Variants in RPS6KA2 observed in about 807,000 individuals in gnomAD.
RPS6KA2 encodes the protein ribosomal protein S6 kinase A2.
A neutral mutation model predicts 91.8 loss-of-function variants in RPS6KA2; 42 were observed. The ratio of observed to expected loss-of-function variants is 0.46; its 90% CI spans 0.36 to 0.59. The LOEUF is 0.59. Ranked by LOEUF, RPS6KA2 falls within the 20% of genes least tolerant of loss-of-function variation. RPS6KA2 has a pLI of 0.00. For synonymous variants in RPS6KA2, 414 were observed against 393.6 expected, an observed-to-expected ratio of 1.05 and a Z score of -0.61; for missense variants, 798 against 978.5, an observed-to-expected ratio of 0.82 and a Z score of 2.46.
intron 2 of RPS6KA2, among the ~76,000 whole-genome samples, chr6:166,716,575 C>T (rs548104773): frequency 6.6e-6 from 1 of 152,288 alleles, no homozygotes; most frequent in Admixed American, 6.5e-5. Flanking sequence ...GGTCTGCTGG[C>T]GACCAAAACG....
chr6:166,421,529 G>A (rs191771300), intron 17 of RPS6KA2, among the ~76,000 whole-genome samples: 3 of 152,230 alleles, frequency 2.0e-5, no homozygotes, highest in Non-Finnish European at 4.4e-5. Context: ...TCCCACCTGG[G>A]ACCAGCCTCC....
intron 1 of RPS6KA2, among the ~76,000 whole-genome samples, chr6:166,543,032 A>G (rs1783710163): frequency 6.6e-6 from 1 of 152,192 alleles, no homozygotes; most frequent in African/African-American, 2.4e-5. Flanking sequence ...GAAAATGTGG[A>G]AAAGAACGTA....
At chr6:166,471,190 C>T (rs1390589556) in intron 10 of RPS6KA2, among the ~76,000 whole-genome samples, 2 of 152,246 alleles carry the variant, frequency 1.3e-5, no homozygotes, top group Non-Finnish European at 1.5e-5. Context: ...AAGAGCGGGG[C>T]TGCCCGGGGA....
rs910307999 is a variant in RPS6KA2, at chr6:166,533,255, G to A, written c.217-1942C>T. Among the ~76,000 whole-genome samples the A allele has an allele frequency of 1.3e-5, 2 of 152,324 alleles. No homozygotes were observed. The highest frequency in any genetic ancestry group is 1.5e-5 in the Non-Finnish European group (1 of 68,030). Reference sequence around the variant, plus strand: ...CTCCTTTCATTTCTCCAGCCCGTCCGTGTGCCTAATGTCCCTAGGTTGACT... The same window carrying A: ...CTCCTTTCATTTCTCCAGCCCGTCCATGTGCCTAATGTCCCTAGGTTGACT... On this transcript the variant is annotated intron_variant, in intron 2 of 20. Coordinates refer to ENST00000265678, the MANE Select transcript of RPS6KA2 (RefSeq NM_021135.6). This position sits in a 1 kb window ranked among gnomAD's most constrained non-coding sequence, Gnocchi z 4.0.
intron 2 of RPS6KA2, among the ~76,000 whole-genome samples, chr6:166,684,116 G>A (rs754256508): frequency 6.6e-6 from 1 of 152,212 alleles, no homozygotes; most frequent in Non-Finnish European, 1.5e-5. Flanking sequence ...CCTCCCCAGT[G>A]AGGTAGGAGA....
At position 166,490,797 on chromosome 6, in the gene RPS6KA2, C is replaced by A; in HGVS notation, c.748-56G>T. 7.4e-7 allele frequency: 1 copy of A among 1,345,786 alleles called. No homozygotes were observed. The allele number at this position is 1,345,786 out of a possible 1,614,324, so 83.4% of individuals were successfully genotyped here. A position where few individuals can be genotyped will look rare whatever the true frequency, so the allele number is the denominator to read the frequency against. On this transcript the variant is annotated intron_variant, in intron 8 of 20. Transcript: ENST00000265678. This position sits in a 1 kb window ranked among gnomAD's most constrained non-coding sequence, Gnocchi z 4.2. ...ATTCATCCAGATGGACCCGGCTTCACGGCAGAGTACCCCAGCAGGGCAGCC... is the reference window on the plus strand; with the variant it reads ...ATTCATCCAGATGGACCCGGCTTCAAGGCAGAGTACCCCAGCAGGGCAGCC...
intron 5 of RPS6KA2, among the ~76,000 whole-genome samples, chr6:166,505,292 G>T (rs78298189): frequency 0.011 from 1,691 of 152,232 alleles, 38 homozygotes; most frequent in African/African-American, 0.039. Context: ...GACCAGGCAG[G>T]GATGGCCTAA....
intron 15 of RPS6KA2, among the ~76,000 whole-genome samples, chr6:166,431,759 G>C (rs1779139230): frequency 6.6e-6 from 1 of 152,022 alleles, no homozygotes; most frequent in African/African-American, 2.4e-5. Flanking sequence ...TGGGATTACA[G>C]GTGTGCGCCA....
Position 166,459,579 on chromosome 6 carries a change from G to A in RPS6KA2, c.973-28C>T, listed in dbSNP as rs1291147423. ...ATTAATACAAGGAAAGCAAGACAGG[G>A]CACTGAGGATGCACAGACATTGCCA... is the stretch of plus-strand genomic sequence containing the variant. On this transcript the variant is annotated intron_variant, in intron 11 of 20. Coordinates refer to ENST00000265678, the MANE Select transcript of RPS6KA2 (RefSeq NM_021135.6). The surrounding 1 kb of genome is among the most constrained non-coding windows in gnomAD (Gnocchi z 4.9). 1.3e-6 allele frequency: 2 copies of A among 1,537,416 alleles called. No homozygotes were observed. The highest frequency in any genetic ancestry group is 1.7e-5 in the Admixed American group (1 of 59,160).
intron 1 of RPS6KA2, among the ~76,000 whole-genome samples, chr6:166,624,622 G>A (rs1232857356): frequency 6.6e-6 from 1 of 152,176 alleles, no homozygotes; most frequent in Non-Finnish European, 1.5e-5. Flanking sequence ...TTTGGACACA[G>A]TATCCAGAAA....
intron 2 of RPS6KA2, among the ~76,000 whole-genome samples, chr6:166,800,308 T>C (rs1779333812): frequency 1.3e-5 from 2 of 152,120 alleles, no homozygotes; most frequent in East Asian, 1.9e-4. Context: ...GGGGAGGACA[T>C]GGGGGAGCAG....
chr6:166,451,297 A>AGTGTGTGTGTGCATGTG, intron 12 of RPS6KA2, 64 bp from the exon 13 acceptor site: 2 of 1,573,616 alleles, frequency 1.3e-6, no homozygotes, highest in Non-Finnish European at 1.7e-6. Flanking sequence ...GTGAAGTGAT[A>AGTGTGTGTGTGCATGTG]GTGTGTGTGT....
intron 2 of RPS6KA2, among the ~76,000 whole-genome samples, chr6:166,744,191 C>T (rs1042768423): frequency 2.6e-5 from 4 of 152,244 alleles, no homozygotes; most frequent in Admixed American, 6.5e-5. Context: ...TTCCATCCAC[C>T]GACCTGGATT....
intron 1 of RPS6KA2, among the ~76,000 whole-genome samples, chr6:166,552,128 A>G (rs1273040570): frequency 3.3e-5 from 5 of 152,202 alleles, no homozygotes; most frequent in Admixed American, 2.0e-4. Flanking sequence ...CCCTGACCCC[A>G]TGAACACTTA....
intron 2 of RPS6KA2, among the ~76,000 whole-genome samples, chr6:166,747,518 C>T (rs1047368581): frequency 2.6e-5 from 4 of 152,160 alleles, no homozygotes; most frequent in Non-Finnish European, 4.4e-5. Context: ...GACACAAGCC[C>T]GACTCACAGA....
rs6921030 is a variant in RPS6KA2, at chr6:166,862,369, G to A, written c.-199C>T. 2.1e-3 allele frequency: 2,921 copies of A among 1,411,818 alleles called. 47 individuals carry two copies. In the African/African-American group the frequency reaches 0.036, roughly 18 times the overall value. The allele number at this position is 1,411,818 out of a possible 1,614,324, so 87.5% of individuals were successfully genotyped here. A position where few individuals can be genotyped will look rare whatever the true frequency, so the allele number is the denominator to read the frequency against. ...CGCGGGGCCTGCGCCGGCCGGAGGAGGGACCCGGGGGGCTGCAATATGGCT... is the reference window on the plus strand; with the variant it reads ...CGCGGGGCCTGCGCCGGCCGGAGGAAGGACCCGGGGGGCTGCAATATGGCT... On this transcript the variant is annotated 5_prime_UTR_variant, in exon 1 of 22. Transcript: ENST00000503859.
At chr6:166,839,699 A>G (rs372634793) in intron 2 of RPS6KA2, among the ~76,000 whole-genome samples, 1,711 of 19,092 alleles carry the variant, frequency 0.09, 66 homozygotes, top group East Asian at 0.21. Context: ...AGAGGGGAGG[A>G]GAGGAGAGGA....
chr6:166,813,670 A>C (rs1179444767), intron 2 of RPS6KA2, among the ~76,000 whole-genome samples: 2 of 152,042 alleles, frequency 1.3e-5, no homozygotes, highest in Non-Finnish European at 2.9e-5. Flanking sequence ...TGGTGTATAG[A>C]TGCGTCACTC....
rs1790583302 is a variant in RPS6KA2 at position 166,733,225 on chromosome 6, A to G, written c.123+124975T>C. Among the ~76,000 whole-genome samples the G allele has an allele frequency of 6.6e-6, 1 of 152,196 alleles. No individual in the cohort carries two copies. The highest frequency in any genetic ancestry group is 2.1e-4 in the South Asian group (1 of 4,834). On this transcript the variant is annotated intron_variant, in intron 2 of 21. Transcript: ENST00000503859. The surrounding 1 kb of genome is among the most constrained non-coding windows in gnomAD (Gnocchi z 4.1). ...AGAATGGGAGTACTTTTGAAAGCCT[A>G]ATAGCCTTAGGCTGCAAGAGTCCTG...
Sources: allele counts gnomAD v4.1 joint callset (sites outside exome capture counted in the v4.1 genomes callset), GRCh38; gene constraint gnomAD v4.1.1; non-coding constraint Gnocchi (gnomAD v3.1); transcripts MANE v1.5; gene names NCBI Gene and HGNC (gene_info 2026-07-23, HGNC 2026-07-21).